Variants in EPHB1 observed in about 807,000 individuals in gnomAD.
EPHB1 encodes the protein EPH receptor B1.
A neutral mutation model predicts 94.4 loss-of-function variants in EPHB1; 30 were observed. The observed-to-expected ratio is 0.32, with a 90% confidence interval of 0.24 to 0.43. The LOEUF is 0.43. EPHB1 is among the 20% of genes least tolerant of loss of function. EPHB1 has a pLI of 1.00. For synonymous variants in EPHB1, 522 were observed against 489.1 expected (o/e 1.07, Z -0.89); for missense variants, 1,055 against 1,308.3 (o/e 0.81, Z 2.99).
chr3:135,233,304 C>T (rs1036283369), intron 12 of EPHB1, among the ~76,000 whole-genome samples: 3 of 152,164 alleles, frequency 2.0e-5, no homozygotes, highest in African/African-American at 2.4e-5. Context: ...AGAAATGGGC[C>T]AAACAAAGGG....
At chr3:135,169,741 C>T (rs973735935) in intron 9 of EPHB1, among the ~76,000 whole-genome samples, 1 of 152,140 alleles carries the variant, frequency 6.6e-6, no homozygotes, top group African/African-American at 2.4e-5. Context: ...CTCTTAAACT[C>T]ATTGAGTCTT....
chr3:135,052,685 C>A (rs925660513), intron 3 of EPHB1, among the ~76,000 whole-genome samples: 2 of 150,140 alleles, frequency 1.3e-5, no homozygotes, highest in Non-Finnish European at 3.0e-5. Context: ...CACGGTGAGA[C>A]CCCATCTGTA....
In EPHB1 at chr3:135,154,873, T is replaced by C. The variant is rs113425129; in HGVS notation, c.1422+597T>C. On this transcript the variant is annotated intron_variant, in intron 6 of 15. Transcript: ENST00000398015. ...CATGGGGCTGCCAAGAAAAGGGAAA[T>C]GGTGCCTGGTGGAGCTGGTCCCTGG... Among the ~76,000 whole-genome samples the C allele has an allele frequency of 6.8e-4, 103 of 152,268 alleles. 2 individuals are homozygous for C. The highest frequency in any genetic ancestry group is 2.4e-3 in the African/African-American group (101 of 41,556).
chr3:134,979,410 GT>G (rs1182270943), intron 3 of EPHB1, among the ~76,000 whole-genome samples: 1 of 152,148 alleles, frequency 6.6e-6, no homozygotes, highest in Non-Finnish European at 1.5e-5. Context: ...GCCTGTGTAT[GT>G]TTGTGTAAAA....
In EPHB1 at chr3:135,177,091, C is replaced by T. The variant is rs115625699; in HGVS notation, c.1760-2769C>T. Among the ~76,000 whole-genome samples, 1,012 of 152,188 alleles carry T rather than the reference C, an allele frequency of 6.6e-3. 9 individuals carry two copies. Among genetic ancestry groups the T allele is most frequent in the African/African-American group, 0.023 (961 of 41,516 alleles). On this transcript the variant is annotated intron_variant, in intron 9 of 15. Coordinates refer to ENST00000398015, the MANE Select transcript of EPHB1 (RefSeq NM_004441.5). ...ACATCAGGCACTGTGCTAGGTATGT[C>T]GTCAGCAATATGTTCTTTAATCTCA...
At chr3:135,236,191 A>C (rs1943648152) in intron 12 of EPHB1, among the ~76,000 whole-genome samples, 2 of 152,090 alleles carry the variant, frequency 1.3e-5, no homozygotes, top group Non-Finnish European at 2.9e-5. Context: ...TCTAGGGAGG[A>C]TCTATCCTAT....
chr3:135,158,964 A>G (rs2107696989), intron 6 of EPHB1, among the ~76,000 whole-genome samples: 1 of 152,330 alleles, frequency 6.6e-6, no homozygotes, highest in Non-Finnish European at 1.5e-5. Context: ...GACCTTGGCA[A>G]TATCTTGTGC....
intron 2 of EPHB1, among the ~76,000 whole-genome samples, chr3:134,943,564 A>T (rs930526383): frequency 4.0e-5 from 6 of 151,698 alleles, no homozygotes; most frequent in African/African-American, 1.5e-4. Flanking sequence ...TACCCGACTG[A>T]CCTCCAGGTT....
At chr3:135,175,278 A>G (rs1490740238) in intron 9 of EPHB1, among the ~76,000 whole-genome samples, 1 of 152,216 alleles carries the variant, frequency 6.6e-6, no homozygotes, top group African/African-American at 2.4e-5. Context: ...TACTGATGGA[A>G]GGTCTCTGAC....
chr3:135,182,267 C>A (rs1942175745), intron 10 of EPHB1, among the ~76,000 whole-genome samples: 1 of 152,230 alleles, frequency 6.6e-6, no homozygotes. Flanking sequence ...TGCCATGTAA[C>A]TGGCAATGTT....
At chr3:134,884,941 G>A (rs182355385) in intron 1 of EPHB1, among the ~76,000 whole-genome samples, 20 of 152,294 alleles carry the variant, frequency 1.3e-4, no homozygotes, top group Admixed American at 3.9e-4. Flanking sequence ...GTGCCTGAGC[G>A]GAAACATGGA....
chr3:135,074,939 C>A (rs1469169295), intron 3 of EPHB1, among the ~76,000 whole-genome samples: 4 of 152,186 alleles, frequency 2.6e-5, no homozygotes, highest in African/African-American at 9.7e-5. Context: ...CATGCACAAT[C>A]CAACAAGCAG....
chr3:135,090,812 G>T (rs535377127), intron 3 of EPHB1, among the ~76,000 whole-genome samples: 2 of 152,320 alleles, frequency 1.3e-5, no homozygotes, highest in East Asian at 1.9e-4. Context: ...CAAAGCTTTT[G>T]CTCTGCCATT....
chr3:135,130,696 T>C (rs985013069), intron 4 of EPHB1, among the ~76,000 whole-genome samples: 10 of 152,146 alleles, frequency 6.6e-5, no homozygotes, highest in Non-Finnish European at 7.4e-5. Context: ...ACTCTCTTGG[T>C]CAGTGCCTGC....
intron 2 of EPHB1, among the ~76,000 whole-genome samples, chr3:134,950,829 A>G (rs1419387621): frequency 6.6e-6 from 1 of 152,230 alleles, no homozygotes; most frequent in East Asian, 1.9e-4. Context: ...GATTGATGTT[A>G]TTGAAAAAAA....
chr3:135,053,158 G>C (rs962743116), intron 3 of EPHB1, among the ~76,000 whole-genome samples: 4 of 104,122 alleles, frequency 3.8e-5, no homozygotes, highest in African/African-American at 1.6e-4. Flanking sequence ...GATGTTTCTA[G>C]GAAGGTATTT....
chr3:134,971,142 A>C (rs1349990704), intron 3 of EPHB1, among the ~76,000 whole-genome samples: 2 of 152,184 alleles, frequency 1.3e-5, no homozygotes, highest in Non-Finnish European at 2.9e-5. Flanking sequence ...CAGTGCTTCA[A>C]CTCCAACAAT....
At chr3:134,976,161 C>T (rs1934185965) in intron 3 of EPHB1, among the ~76,000 whole-genome samples, 1 of 152,156 alleles carries the variant, frequency 6.6e-6, no homozygotes, top group Admixed American at 6.5e-5. Context: ...GGTTCTGCAG[C>T]CATTAACTGG....
At chr3:135,172,453 A>C (rs182165865) in intron 9 of EPHB1, among the ~76,000 whole-genome samples, 273 of 152,362 alleles carry the variant, frequency 1.8e-3, no homozygotes, top group African/African-American at 6.1e-3. Context: ...GATAGCTGTC[A>C]GTAAAGGATG....
Sources: allele counts gnomAD v4.1 joint callset (sites outside exome capture counted in the v4.1 genomes callset), GRCh38; gene constraint gnomAD v4.1.1; transcripts MANE v1.5; gene names NCBI Gene and HGNC (gene_info 2026-07-23, HGNC 2026-07-21).